The following AKAP6 variants were observed in gnomAD, a reference collection of about 807,000 sequenced individuals.
The protein encoded by AKAP6 is A-kinase anchoring protein 6.
AKAP6 carries 58 observed loss-of-function variants against 188.5 expected under a neutral mutation model. The ratio of observed to expected loss-of-function variants is 0.31; its 90% confidence interval spans 0.25 to 0.38. AKAP6 has a LOEUF of 0.38. Among genes scored for constraint, AKAP6 ranks in the 10% least tolerant of loss-of-function variants. The pLI is 1.00. For synonymous variants in AKAP6, 989 were observed against 998.6 expected, an observed-to-expected ratio of 0.99 and a Z score of 0.18; for missense variants, 2,710 against 2,740.0, an observed-to-expected ratio of 0.99 and a Z score of 0.24.
At chr14:32,703,925 T>C (rs1348006540) in intron 9 of AKAP6, among the ~76,000 whole-genome samples, 2 of 152,232 alleles carry the variant, frequency 1.3e-5, no homozygotes, top group Non-Finnish European at 2.9e-5. Flanking sequence ...GAGTGTTATT[T>C]TTTAAAGTAT....
chr14:32,687,954 G>A (rs1322751281), intron 8 of AKAP6, among the ~76,000 whole-genome samples: 1 of 152,016 alleles, frequency 6.6e-6, no homozygotes, highest in Non-Finnish European at 1.5e-5. Flanking sequence ...CCTTTAATGT[G>A]AAATAACGTT....
chr14:32,638,202 T>C (rs1013236480), intron 7 of AKAP6, among the ~76,000 whole-genome samples: 1 of 151,974 alleles, frequency 6.6e-6, no homozygotes, highest in African/African-American at 2.4e-5. Flanking sequence ...GGAGCACTAC[T>C]TGGGTGAGAG....
intron 1 of AKAP6, among the ~76,000 whole-genome samples, chr14:32,362,479 T>A (rs1179356676): frequency 4.6e-5 from 7 of 152,200 alleles, no homozygotes; most frequent in Non-Finnish European, 8.8e-5. Flanking sequence ...AGCTGGACTC[T>A]TATCCCAAAT....
intron 7 of AKAP6, among the ~76,000 whole-genome samples, chr14:32,654,323 A>G (rs1019705398): frequency 6.6e-6 from 1 of 152,122 alleles, no homozygotes; most frequent in Non-Finnish European, 1.5e-5. Context: ...GTCCCACAGC[A>G]TATTTCTCAT....
intron 11 of AKAP6, among the ~76,000 whole-genome samples, chr14:32,771,789 T>C (rs2032905994): frequency 6.6e-6 from 1 of 152,222 alleles, no homozygotes. Context: ...TTTGCAAAAT[T>C]CAGTTCTATG....
intron 8 of AKAP6, among the ~76,000 whole-genome samples, chr14:32,684,703 C>T (rs1889830696): frequency 6.6e-6 from 1 of 150,756 alleles, no homozygotes; most frequent in Non-Finnish European, 1.5e-5. Context: ...TATGATATCT[C>T]AGTCTATAAA....
At chr14:32,462,302 A>C (rs975195901) in intron 2 of AKAP6, among the ~76,000 whole-genome samples, 7 of 152,184 alleles carry the variant, frequency 4.6e-5, no homozygotes, top group African/African-American at 1.7e-4. Flanking sequence ...GTTGTAATGA[A>C]GGAAAAAATA....
chr14:32,362,575 T>C (rs1452379648), intron 1 of AKAP6, among the ~76,000 whole-genome samples: 1 of 152,070 alleles, frequency 6.6e-6, no homozygotes, highest in Admixed American at 6.6e-5. Context: ...TAGTGGGGTT[T>C]CAGGTAGGAT....
At chr14:32,704,022 G>A (rs938869423) in intron 9 of AKAP6, among the ~76,000 whole-genome samples, 3 of 152,158 alleles carry the variant, frequency 2.0e-5, no homozygotes, top group East Asian at 1.9e-4. Context: ...AAGGCTATCC[G>A]TTTGCCAGCC....
intron 5 of AKAP6, among the ~76,000 whole-genome samples, chr14:32,588,141 A>G (rs1252674407): frequency 6.6e-6 from 1 of 152,174 alleles, no homozygotes; most frequent in Non-Finnish European, 1.5e-5. Flanking sequence ...ACATTTTTGA[A>G]CCTTTTTATG....
chr14:32,811,255 A>AAAAAAT lies in AKAP6; in HGVS notation c.3589-10146_3589-10145insAAAATA, dbSNP rs546819675. 3.3e-3 allele frequency among the ~76,000 whole-genome samples: 394 copies of AAAAAAT among 118,344 alleles called. 47 individuals are homozygous for AAAAAAT. Among genetic ancestry groups the AAAAAAT allele is most frequent in the Non-Finnish European group, 5.3e-3 (298 of 56,418 alleles). 77.6% of individuals were successfully genotyped at this position (118,344 alleles called of 152,430 possible). ...CTCCGTCTCAGGAAAAAAAAAAAAA[A>AAAAAAT]AGTTGAAAAACAGACTAAGATAATG... is the stretch of plus-strand genomic sequence containing the variant. On this transcript the variant is annotated intron_variant, in intron 12 of 13. Coordinates refer to ENST00000280979, the MANE Select transcript of AKAP6 (RefSeq NM_004274.5).
intron 2 of AKAP6, among the ~76,000 whole-genome samples, chr14:32,463,201 A>G (rs1891412521): frequency 6.6e-6 from 1 of 152,158 alleles, no homozygotes; most frequent in South Asian, 2.1e-4. Flanking sequence ...CAAGACAGAA[A>G]ATTAATAAGG....
intron 2 of AKAP6, among the ~76,000 whole-genome samples, chr14:32,451,111 G>A (rs572678051): frequency 6.6e-6 from 1 of 152,254 alleles, no homozygotes; most frequent in South Asian, 2.1e-4. Flanking sequence ...CCTACTTTGT[G>A]CAGGTCTGAA....
intron 12 of AKAP6, among the ~76,000 whole-genome samples, chr14:32,775,339 A>G (rs2033024489): frequency 6.6e-6 from 1 of 152,034 alleles, no homozygotes; most frequent in South Asian, 2.1e-4. Flanking sequence ...GCTTTGGAGG[A>G]GGCAAAGTTG....
At chr14:32,693,089 G>A (rs1890249620) in intron 8 of AKAP6, among the ~76,000 whole-genome samples, 1 of 152,104 alleles carries the variant, frequency 6.6e-6, no homozygotes, top group South Asian at 2.1e-4. Context: ...TAATTCTGGG[G>A]TGCAGTGGAG....
intron 5 of AKAP6, 96 bp from the exon 6 acceptor site, chr14:32,599,314 T>C: frequency 3.2e-6 from 3 of 946,680 alleles, no homozygotes; most frequent in Non-Finnish European, 4.9e-6. Flanking sequence ...TAAATTGGGC[T>C]GTGTGGTTCT....
At chr14:32,490,597 C>G (rs1440062508) in intron 2 of AKAP6, among the ~76,000 whole-genome samples, 1 of 151,998 alleles carries the variant, frequency 6.6e-6, no homozygotes, top group Admixed American at 6.6e-5. Context: ...AAATTTTTAC[C>G]AGGGCCTCTC....
At chr14:32,423,704 T>A (rs1889932168) in intron 1 of AKAP6, among the ~76,000 whole-genome samples, 1 of 152,134 alleles carries the variant, frequency 6.6e-6, no homozygotes. Context: ...GTGGGGAATG[T>A]GGGGCTAAAG....
chr14:32,340,296 T>G (rs1299238682), intron 1 of AKAP6, among the ~76,000 whole-genome samples: 1 of 152,138 alleles, frequency 6.6e-6, no homozygotes, highest in Non-Finnish European at 1.5e-5. Context: ...TCATGAAAAT[T>G]TTCTTGCATC....
Sources: allele counts gnomAD v4.1 joint callset (sites outside exome capture counted in the v4.1 genomes callset), GRCh38; gene constraint gnomAD v4.1.1; transcripts MANE v1.5; gene names NCBI Gene and HGNC (gene_info 2026-07-23, HGNC 2026-07-21).